C9orf85: variants seen among roughly 807,000 people sequenced by gnomAD.
C9orf85 encodes the protein uncharacterized protein C9orf85.
C9orf85 carries 16 observed loss-of-function variants against 14.9 expected under a neutral mutation model. The ratio of observed to expected loss-of-function variants is 1.08; its 90% CI spans 0.73 to 1.63. The LOEUF is 1.63. C9orf85 is among the 40% of genes most tolerant of loss of function. C9orf85 has a pLI of 0.00. For synonymous variants in C9orf85, 45 were observed against 56.8 expected, an observed-to-expected ratio of 0.79 and a Z score of 0.93; for missense variants, 172 against 186.1, an observed-to-expected ratio of 0.92 and a Z score of 0.44.
intron 1 of C9orf85, among the ~76,000 whole-genome samples, chr9:71,919,734 T>A (rs1232918230): frequency 6.6e-6 from 1 of 152,230 alleles, no homozygotes; most frequent in Non-Finnish European, 1.5e-5. Flanking sequence ...ATTGTTTACC[T>A]TTTATTTTCT....
intron 1 of C9orf85, among the ~76,000 whole-genome samples, chr9:71,922,419 A>T (rs753553629): frequency 2.0e-5 from 3 of 152,238 alleles, no homozygotes; most frequent in Non-Finnish European, 4.4e-5. Context: ...AGTATTGAAT[A>T]TAAAATGTCT....
downstream of C9orf85, among the ~76,000 whole-genome samples, chr9:71,974,481 G>A (rs1180595051): frequency 6.6e-6 from 1 of 152,000 alleles, no homozygotes; most frequent in Non-Finnish European, 1.5e-5. Flanking sequence ...GGCCTCAAGC[G>A]ATCCACCCAC....
chr9:71,913,706 A>G (rs931768191), intron 1 of C9orf85, among the ~76,000 whole-genome samples: 1 of 152,170 alleles, frequency 6.6e-6, no homozygotes, highest in Admixed American at 6.5e-5. Context: ...ATTGTTTTTC[A>G]TGTCTGTTTT....
chr9:71,945,775 G>A (rs893109187), intron 1 of C9orf85, among the ~76,000 whole-genome samples: 10 of 152,134 alleles, frequency 6.6e-5, no homozygotes, highest in African/African-American at 1.4e-4. Flanking sequence ...TACTTGTGGT[G>A]CATTTCTTTC....
At position 71,972,690 on chromosome 9, in the gene C9orf85, A is replaced by C; in HGVS notation, c.324-2A>C. The C allele has an allele frequency of 6.4e-7, 1 of 1,564,154 alleles. No homozygotes were observed. The highest frequency in any genetic ancestry group is 8.7e-7 in the Non-Finnish European group (1 of 1,148,108). On this transcript the variant is annotated splice_acceptor_variant, in intron 3 of 3. Coordinates refer to ENST00000334731, the MANE Select transcript of C9orf85 (RefSeq NM_182505.5). LOFTEE classifies it high-confidence loss of function. ...AATAGAAATTTTTTCTTTCATCTTT[A>C]GGTTGAATAAAGAAACAGAAAAAAT...
intron 1 of C9orf85, among the ~76,000 whole-genome samples, chr9:71,914,903 G>T (rs1043441960): frequency 6.6e-6 from 1 of 152,140 alleles, no homozygotes; most frequent in Non-Finnish European, 1.5e-5. Flanking sequence ...GTCGGCAGTG[G>T]GAATAGGTTT....
Position 71,954,276 on chromosome 9 carries a change from T to C in C9orf85, c.209+7164T>C, listed in dbSNP as rs1472189436. Among the ~76,000 whole-genome samples the C allele has an allele frequency of 4.3e-5, 5 of 115,820 alleles. No individual in the cohort carries two copies. In the Admixed American group the frequency reaches 4.6e-4, roughly 11 times the overall value. 76.0% of individuals were successfully genotyped at this position (115,820 alleles called of 152,430 possible). The stretch of plus-strand genomic sequence containing the variant: ...AGAGTTGGCTGGGGGGATTGGTTGG[T>C]CGGGGGGAGGGGGTCCTCTAGACTG... On this transcript the variant is annotated intron_variant, in intron 2 of 3. Transcript: ENST00000334731.
chr9:71,967,113 T>C (rs1215670098), intron 2 of C9orf85, among the ~76,000 whole-genome samples: 1 of 152,230 alleles, frequency 6.6e-6, no homozygotes, highest in Non-Finnish European at 1.5e-5. Flanking sequence ...AACAAATTAT[T>C]CTTTCTAGAT....
intron 2 of C9orf85, among the ~76,000 whole-genome samples, chr9:71,968,097 T>G (rs201019437): frequency 4.6e-3 from 171 of 37,258 alleles, no homozygotes; most frequent in East Asian, 0.029. Flanking sequence ...CATATATATA[T>G]ATATAGAGAG....
intron 1 of C9orf85, among the ~76,000 whole-genome samples, chr9:71,926,291 C>T (rs1827927653): frequency 6.6e-6 from 1 of 152,162 alleles, no homozygotes; most frequent in Non-Finnish European, 1.5e-5. Context: ...TAGCCAGTAA[C>T]CACATGTCCC....
At chr9:71,915,045 G>A (rs972866891) in intron 1 of C9orf85, among the ~76,000 whole-genome samples, 8 of 152,256 alleles carry the variant, frequency 5.3e-5, no homozygotes, top group African/African-American at 1.7e-4. Flanking sequence ...CTTAGCCCCA[G>A]TTCTGTCATT....
At chr9:71,978,810 T>C (rs1402128920) in intron 3 of C9orf85, among the ~76,000 whole-genome samples, 1 of 152,124 alleles carries the variant, frequency 6.6e-6, no homozygotes, top group Non-Finnish European at 1.5e-5. Context: ...CCAAGGTGGG[T>C]GGGTCACAAG....
In C9orf85 at chr9:71,960,105, A is replaced by G. The variant is rs1412534667; in HGVS notation, c.210-11400A>G. 5.7e-4 allele frequency among the ~76,000 whole-genome samples: 87 copies of G among 152,206 alleles called. 1 individual carries two copies. The highest frequency in any genetic ancestry group is 5.6e-3 in the Admixed American group (86 of 15,276). Reference sequence around the variant, plus strand: ...GAAAGAGATGCAGAGGACACAAGGTAAGGCTGCAGAAAAATGAAATGAAAC... The same window carrying G: ...GAAAGAGATGCAGAGGACACAAGGTGAGGCTGCAGAAAAATGAAATGAAAC... On this transcript the variant is annotated intron_variant, in intron 2 of 3. Coordinates refer to ENST00000334731, the MANE Select transcript of C9orf85 (RefSeq NM_182505.5).
intron 2 of C9orf85, among the ~76,000 whole-genome samples, chr9:71,971,213 G>A (rs1177907807): frequency 6.6e-6 from 1 of 152,112 alleles, no homozygotes; most frequent in African/African-American, 2.4e-5. Context: ...TCTTGGTAGT[G>A]TATAGAAATA....
intron 2 of C9orf85, among the ~76,000 whole-genome samples, chr9:71,961,132 A>G (rs1822508482): frequency 1.3e-5 from 2 of 151,790 alleles, no homozygotes; most frequent in Admixed American, 1.3e-4. Flanking sequence ...GGCTGGTCTC[A>G]AACTCCGGAC....
intron 1 of C9orf85, among the ~76,000 whole-genome samples, chr9:71,928,196 A>C (rs1827977039): frequency 6.7e-6 from 1 of 149,148 alleles, no homozygotes; most frequent in Non-Finnish European, 1.5e-5. Flanking sequence ...CAAAAAAAAA[A>C]AAAAAAAAAA....
intron 1 of C9orf85, among the ~76,000 whole-genome samples, chr9:71,940,061 T>C (rs569701404): frequency 6.6e-6 from 1 of 152,200 alleles, no homozygotes; most frequent in African/African-American, 2.4e-5. Flanking sequence ...AAATTGTTCT[T>C]TGAAATTAAA....
intron 2 of C9orf85, among the ~76,000 whole-genome samples, chr9:71,970,611 G>T (rs1270812753): frequency 6.6e-6 from 1 of 152,090 alleles, no homozygotes; most frequent in African/African-American, 2.4e-5. Flanking sequence ...TAGGTTTGTA[G>T]TGTGTTTTGA....
At chr9:71,975,002 G>A (rs1822975436), downstream of C9orf85, among the ~76,000 whole-genome samples, 1 of 152,090 alleles carries the variant, frequency 6.6e-6, no homozygotes, top group African/African-American at 2.4e-5. Flanking sequence ...AAATACTTAA[G>A]GATGTAATAC....
Sources: allele counts gnomAD v4.1 joint callset (sites outside exome capture counted in the v4.1 genomes callset), GRCh38; gene constraint gnomAD v4.1.1; transcripts MANE v1.5; gene names NCBI Gene and HGNC (gene_info 2026-07-23, HGNC 2026-07-21).